Variants in IFI16 observed in about 807,000 individuals in gnomAD.
The protein encoded by IFI16 is gamma-interferon-inducible protein 16.
Under a neutral mutation model 68.4 loss-of-function variants are expected in IFI16, and 49 were observed. That is an observed-to-expected ratio of 0.72 (90% CI 0.57 to 0.91). IFI16 has a LOEUF of 0.91. IFI16 is among the 40% of genes least tolerant of loss of function. The pLI, the probability that IFI16 is intolerant of heterozygous loss-of-function variation, is 0.00. For missense variants in IFI16, 878 were observed against 942.9 expected (o/e 0.93, Z 0.90); for synonymous variants, 307 against 315.0 (o/e 0.97, Z 0.27).
rs146273523 is a variant in IFI16 at position 159,017,645 on chromosome 1, T to C, written c.550-584T>C. 1.5e-3 allele frequency among the ~76,000 whole-genome samples: 225 copies of C among 152,182 alleles called. 2 individuals carry two copies. The highest frequency in any genetic ancestry group is 5.3e-3 in the African/African-American group (221 of 41,518). Reference sequence around the variant, plus strand: ...GTTGTTGAGACAGAGTCTCGCTCTGTCACCCAGGCTGAAGTGCCGTGGCAT... The same window carrying C: ...GTTGTTGAGACAGAGTCTCGCTCTGCCACCCAGGCTGAAGTGCCGTGGCAT... On this transcript the variant is annotated intron_variant, in intron 4 of 11. Transcript: ENST00000295809.
At chr1:159,024,925 C>T (rs1343084829) in intron 6 of IFI16, among the ~76,000 whole-genome samples, 1 of 151,902 alleles carries the variant, frequency 6.6e-6, no homozygotes, top group African/African-American at 2.4e-5. Context: ...TGGGTCCATT[C>T]TTTCTCAGCT....
At position 159,038,018 on chromosome 1, in the gene IFI16, A is replaced by G. The variant is rs999046669; in HGVS notation, c.1329+5327A>G. Among the ~76,000 whole-genome samples, 4 of 152,350 alleles carry G rather than the reference A, an allele frequency of 2.6e-5. No homozygotes were observed. In the Middle Eastern group the frequency reaches 0.01, roughly 389 times the overall value. On this transcript the variant is annotated intron_variant, in intron 7 of 11. Transcript: ENST00000295809. ...AGATAAAATTTTCATCTCATTTCAC[A>G]TATGAGATTCATGAGATACAAAGAG...
chr1:159,049,022 G>C (rs567459613), intron 8 of IFI16, among the ~76,000 whole-genome samples: 4 of 150,748 alleles, frequency 2.7e-5, no homozygotes, highest in Non-Finnish European at 5.9e-5. Flanking sequence ...ATGCTGAAGA[G>C]CACTTGAGAG....
intron 6 of IFI16, among the ~76,000 whole-genome samples, chr1:159,027,075 G>A (rs1257147226): frequency 6.6e-6 from 1 of 152,154 alleles, no homozygotes; most frequent in African/African-American, 2.4e-5. Flanking sequence ...GAATAGAAGT[G>A]GTGAGAGTAG....
At chr1:159,011,471 ATATG>A (rs1334664082) in intron 1 of IFI16, among the ~76,000 whole-genome samples, 1 of 152,074 alleles carries the variant, frequency 6.6e-6, no homozygotes, top group African/African-American at 2.4e-5. Context: ...ACACACAAAT[ATATG>A]TATATATAAT....
At chr1:159,012,260 T>C (rs917398254) in intron 1 of IFI16, among the ~76,000 whole-genome samples, 2 of 152,202 alleles carry the variant, frequency 1.3e-5, no homozygotes, top group Admixed American at 6.5e-5. Flanking sequence ...AACTCTAAAA[T>C]GTAAAATTAT....
At chr1:159,025,319 C>G (rs79746723) in intron 6 of IFI16, among the ~76,000 whole-genome samples, 3,973 of 151,690 alleles carry the variant, frequency 0.026, 73 homozygotes, top group African/African-American at 0.05. Flanking sequence ...CCTGGCCACC[C>G]TCGGGACTTA....
At chr1:159,025,677 TA>T (rs1269534310) in intron 6 of IFI16, among the ~76,000 whole-genome samples, 2 of 152,240 alleles carry the variant, frequency 1.3e-5, no homozygotes, top group Admixed American at 1.3e-4. Context: ...TTAGCTTAAT[TA>T]AGTTCCATCT....
chr1:159,047,638 T>C (rs1293486798), intron 8 of IFI16, among the ~76,000 whole-genome samples: 1 of 150,656 alleles, frequency 6.6e-6, no homozygotes, highest in Non-Finnish European at 1.5e-5. Context: ...CACCACGTAG[T>C]CATTTCTTCT....
intron 6 of IFI16, among the ~76,000 whole-genome samples, chr1:159,030,074 C>T (rs1247180568): frequency 6.6e-6 from 1 of 152,144 alleles, no homozygotes; most frequent in African/African-American, 2.4e-5. Flanking sequence ...CTTTCTTCTA[C>T]TTGTTTGATT....
intron 6 of IFI16, among the ~76,000 whole-genome samples, chr1:159,025,420 T>A (rs1356005164): frequency 6.6e-6 from 1 of 152,228 alleles, no homozygotes; most frequent in Admixed American, 6.5e-5. Flanking sequence ...AATGTGCTAT[T>A]AATGTTAAAT....
rs758982753 is a variant in IFI16 at position 159,018,440 on chromosome 1, A to C, written c.761A>C (p.Asn254Thr). Reference sequence around the variant, plus strand: ...AACACCAGCTTGAAGGAGAAATTCAATGGAAAGAAAATCATCATCATATCA... The same window carrying C: ...AACACCAGCTTGAAGGAGAAATTCACTGGAAAGAAAATCATCATCATATCA... ...VLNTSLKEKFNGKKIIIISDY... is the reference protein window; with the variant it reads ...VLNTSLKEKFTGKKIIIISDY... Residue 254 changes from asparagine (N) to threonine (T), a missense_variant, in exon 5 of 12, where the codon AAT (asparagine) becomes ACT (threonine). Around this residue, in one of 4 missense-constraint regions of IFI16, gnomAD observed 443 missense variants for 421.8 expected, o/e 1.05. Coordinates refer to ENST00000295809, the MANE Select transcript of IFI16 (RefSeq NM_001376587.1). The C allele has an allele frequency of 1.2e-6, 2 of 1,613,780 alleles. No homozygotes were observed. The highest frequency in any genetic ancestry group is 2.2e-5 in the South Asian group (2 of 91,084).
intron 7 of IFI16, among the ~76,000 whole-genome samples, chr1:159,034,712 C>CGT (rs1557874464): frequency 3.9e-4 from 59 of 152,258 alleles, no homozygotes; most frequent in African/African-American, 1.4e-3. Flanking sequence ...GAGATCCTCC[C>CGT]ATAGTTGGTT....
At chr1:159,043,153 C>CTATAT (rs1275855582) in intron 7 of IFI16, among the ~76,000 whole-genome samples, 1 of 152,142 alleles carries the variant, frequency 6.6e-6, no homozygotes, top group African/African-American at 2.4e-5. Context: ...ATATTTCCCC[C>CTATAT]TATATAGTCT....
At chr1:159,046,020 T>C (rs1344365982) in intron 8 of IFI16, among the ~76,000 whole-genome samples, 1 of 151,416 alleles carries the variant, frequency 6.6e-6, no homozygotes, top group African/African-American at 2.4e-5. Flanking sequence ...CATATTTTTC[T>C]ATAACTCATG....
chr1:159,018,140 G>T, intron 4 of IFI16, 89 bp from the exon 5 acceptor site: 1 of 1,078,734 alleles, frequency 9.3e-7, no homozygotes, highest in East Asian at 2.4e-5. Context: ...CAAGTTTTGG[G>T]GCCCTGTGTT....
At position 159,032,573 on chromosome 1, in the gene IFI16, T is replaced by A. The variant is rs1470939217; in HGVS notation, c.1211T>A (p.Leu404Gln). The A allele has an allele frequency of 1.9e-6, 3 of 1,611,458 alleles. No homozygotes were observed. The highest frequency in any genetic ancestry group is 1.7e-6 in the Non-Finnish European group (2 of 1,178,696). The change falls in exon 7 of 12, where the codon CTA becomes CAA. Residue 404 changes from leucine (L) to glutamine (Q), a missense_variant. Physicochemically the swap from Leu to Gln is moderately radical, Grantham distance 113. Around this residue, in one of 4 missense-constraint regions of IFI16, gnomAD observed 443 missense variants for 421.8 expected, o/e 1.05. Transcript: ENST00000295809. ...PRNNDPKSMKLPQEQRQLPYP... is the reference protein window; with the variant it reads ...PRNNDPKSMKQPQEQRQLPYP... ...AACAATGACCCCAAGAGCATGAAGCTACCCCAGGAACAGCGTCAGCTTCCA... is the reference window on the plus strand; with the variant it reads ...AACAATGACCCCAAGAGCATGAAGCAACCCCAGGAACAGCGTCAGCTTCCA...
intron 1 of IFI16, among the ~76,000 whole-genome samples, chr1:159,012,530 T>A (rs1028369557): frequency 6.6e-6 from 1 of 152,210 alleles, no homozygotes; most frequent in Non-Finnish European, 1.5e-5. Context: ...CTGGTTTTAT[T>A]TTGCAAATAA....
At chr1:159,024,137 C>T (rs1304948887) in intron 6 of IFI16, among the ~76,000 whole-genome samples, 1 of 152,182 alleles carries the variant, frequency 6.6e-6, no homozygotes, top group Non-Finnish European at 1.5e-5. Flanking sequence ...TTAATTCATT[C>T]CAGCCAGGCA....
Sources: gnomAD v4.1 joint callset for allele counts (sites outside exome capture counted in the v4.1 genomes callset) on GRCh38, gnomAD v4.1.1 for gene constraint, gnomAD v4.1.1 regional missense constraint, MANE v1.5 for transcripts, NCBI Gene and HGNC (gene_info 2026-07-23, HGNC 2026-07-21) for gene names.